The following ARHGEF2 variants were observed in gnomAD, a reference collection of about 807,000 sequenced individuals.
The protein encoded by ARHGEF2 is rho guanine nucleotide exchange factor 2.
Under a neutral mutation model 121.0 loss-of-function variants are expected in ARHGEF2, and 22 were observed. The ratio of observed to expected loss-of-function variants is 0.18; its 90% CI spans 0.13 to 0.26. ARHGEF2 has a LOEUF of 0.26. Among genes scored for constraint, ARHGEF2 ranks in the 10% least tolerant of loss-of-function variants. ARHGEF2 has a pLI of 1.00. For synonymous variants in ARHGEF2, 487 were observed against 530.0 expected (o/e 0.92, Z 1.11); for missense variants, 907 against 1,336.0 (o/e 0.68, Z 5.01).
upstream of ARHGEF2, chr1:155,978,997 C>CG: frequency 1.0e-6 from 1 of 985,632 alleles, no homozygotes; most frequent in Non-Finnish European, 1.2e-6. The surrounding 1 kb of genome is among the most constrained non-coding windows in gnomAD (Gnocchi z 4.1). Context: ...TCCTGGCCTT[C>CG]GGGGTCCCAT....
chr1:155,969,970 T>C (rs1680153930), intron 1 of ARHGEF2: 2 of 985,276 alleles, frequency 2.0e-6, no homozygotes, highest in Admixed American at 1.2e-4. Flanking sequence ...CCTACTAACC[T>C]TGAGGCAAAG....
intron 1 of ARHGEF2, among the ~76,000 whole-genome samples, chr1:155,973,759 G>A (rs1680858908): frequency 6.6e-6 from 1 of 150,618 alleles, no homozygotes; most frequent in African/African-American, 2.4e-5. Flanking sequence ...AAAAAAAAAA[G>A]AAAAGAAAAA....
At chr1:155,952,490 C>T in intron 15 of ARHGEF2, 138 bp downstream of exon 15, 1 of 1,095,976 alleles carries the variant, frequency 9.1e-7, no homozygotes. Flanking sequence ...GGAACTGGCC[C>T]AGAAGAGGCA....
At position 155,951,266 on chromosome 1, in the gene ARHGEF2, C is replaced by T. The variant is rs778676521; in HGVS notation, c.2266G>A (p.Val756Met). 42 of 1,600,996 alleles carry T rather than the reference C, an allele frequency of 2.6e-5. No individual in the cohort carries two copies. Among genetic ancestry groups the T allele is most frequent in the Non-Finnish European group, 3.5e-5 (41 of 1,171,600 alleles). The change falls in exon 20 of 22, where the codon GTG becomes ATG. Residue 756 changes from valine to methionine, a missense_variant. Physicochemically the swap from Val to Met is conservative, Grantham distance 21. Coordinates refer to ENST00000361247, the MANE Select transcript of ARHGEF2 (RefSeq NM_001162383.2). The surrounding 1 kb of genome is among the most constrained non-coding windows in gnomAD (Gnocchi z 5.1). ...YGLLHGLQAA[V>M]AQQDTLMEAR... is the part of the protein sequence containing the mutation. ...TCCATCAGAGTGTCCTGCTGGGCCA[C>T]AGCTGCCTGGGAGTAGAATGCAGGC... is the stretch of plus-strand genomic sequence containing the variant.
upstream of ARHGEF2, chr1:155,978,689 G>C (rs1410983847): frequency 2.1e-6 from 2 of 962,128 alleles, no homozygotes; most frequent in Non-Finnish European, 2.7e-6. The surrounding 1 kb of genome is among the most constrained non-coding windows in gnomAD (Gnocchi z 4.1). Context: ...GGGGCAGCTC[G>C]GAGAGGTACG....
upstream of ARHGEF2, chr1:155,979,251 T>C (rs774708719): frequency 2.7e-5 from 27 of 985,412 alleles, no homozygotes; most frequent in Non-Finnish European, 2.8e-5. Flanking sequence ...GGGGACTAGG[T>C]TGGGATTCTC....
chr1:155,978,193 T>C lies in ARHGEF2; in HGVS notation c.63+172A>G, dbSNP rs1023888525. On this transcript the variant is annotated intron_variant, in intron 1 of 21. Coordinates refer to ENST00000361247, the MANE Select transcript of ARHGEF2 (RefSeq NM_001162383.2). The surrounding 1 kb of genome is among the most constrained non-coding windows in gnomAD (Gnocchi z 4.1). ...TCGCGTCTGCCGCTCCCCCCACCCCTACCCACTCGCTCGCAGTCCCCACCC... is the reference window on the plus strand; with the variant it reads ...TCGCGTCTGCCGCTCCCCCCACCCCCACCCACTCGCTCGCAGTCCCCACCC... 1.1e-4 allele frequency: 136 copies of C among 1,225,558 alleles called. No individual in the cohort carries two copies. The highest frequency in any genetic ancestry group is 1.2e-4 in the South Asian group (7 of 56,156). The allele number at this position is 1,225,558 out of a possible 1,614,324, so 75.9% of individuals were successfully genotyped here.
intron 13 of ARHGEF2, among the ~76,000 whole-genome samples, chr1:155,955,862 C>G (rs552584131): frequency 6.6e-6 from 1 of 151,806 alleles, no homozygotes; most frequent in African/African-American, 2.4e-5. Context: ...ACTACAGGCA[C>G]GCACCACCAT....
chr1:155,964,172 A>ATG (rs1678745296), intron 7 of ARHGEF2, among the ~76,000 whole-genome samples: 1 of 67,006 alleles, frequency 1.5e-5, no homozygotes, highest in African/African-American at 9.3e-5. Context: ...AAAAAAATAT[A>ATG]TATATATATA....
intron 1 of ARHGEF2, chr1:155,970,528 CA>C: frequency 1.0e-6 from 1 of 985,450 alleles, no homozygotes; most frequent in Middle Eastern, 5.2e-4. Flanking sequence ...TCTCAGAAAT[CA>C]AAAATCAGGA....
chr1:155,967,009 G>A (rs943320932), intron 2 of ARHGEF2, 122 bp from the exon 3 acceptor site: 9 of 892,016 alleles, frequency 1.0e-5, no homozygotes, highest in Non-Finnish European at 1.5e-5. Flanking sequence ...CCCCTTCCCC[G>A]ACTTCTGGGC....
At chr1:155,972,406 C>T (rs1441227868) in intron 1 of ARHGEF2, 1 of 426,774 alleles carries the variant, frequency 2.3e-6, no homozygotes, top group South Asian at 1.6e-5. Context: ...CGCCCCAGGG[C>T]TCAGGCTTCT....
At chr1:155,964,173 T>A (rs867212569) in intron 7 of ARHGEF2, among the ~76,000 whole-genome samples, 82 of 69,150 alleles carry the variant, frequency 1.2e-3, no homozygotes, top group African/African-American at 6.3e-3. Flanking sequence ...AAAAAATATA[T>A]ATATATATAT....
At chr1:155,966,982 G>A (rs1278822511) in intron 2 of ARHGEF2, 95 bp from the exon 3 acceptor site, 1 of 1,222,828 alleles carries the variant, frequency 8.2e-7, no homozygotes, top group Non-Finnish European at 1.2e-6. Flanking sequence ...TGGCCACACA[G>A]TCCTCGGGGA....
At position 155,951,328 on chromosome 1, in the gene ARHGEF2, C is replaced by G. The variant is rs761926689; in HGVS notation, c.2260-56G>C. 21 of 1,563,602 alleles carry G rather than the reference C, an allele frequency of 1.3e-5. No individual in the cohort carries two copies. The highest frequency in any genetic ancestry group is 6.8e-5 in the African/African-American group (5 of 73,742). On this transcript the variant is annotated intron_variant, in intron 19 of 21. Coordinates refer to ENST00000361247, the MANE Select transcript of ARHGEF2 (RefSeq NM_001162383.2). The surrounding 1 kb of genome is among the most constrained non-coding windows in gnomAD (Gnocchi z 5.1). ...TCAGAACCCCTGTGCTCTTCTACCC[C>G]TCGCCTTCACCCTCCAAGGCCCAGA...
intron 2 of ARHGEF2, 111 bp downstream of exon 2, chr1:155,969,045 G>A: frequency 7.2e-7 from 1 of 1,391,748 alleles, no homozygotes; most frequent in South Asian, 1.3e-5. Context: ...GGGCCCAGCT[G>A]GGGATCAGAG....
chr1:155,971,152 GCCTCTAACTCAA>G (rs1680378148), intron 1 of ARHGEF2: 1 of 973,818 alleles, frequency 1.0e-6, no homozygotes, highest in African/African-American at 1.8e-5. Flanking sequence ...GCTGCCTCTA[GCCTCTAACTCAA>G]ACCTCTAAAA....
rs1679116717 is a variant in ARHGEF2 at position 155,965,188 on chromosome 1, T to C, written c.581-57A>G. 5 of 1,609,794 alleles carry C rather than the reference T, an allele frequency of 3.1e-6. No homozygotes were observed. Among genetic ancestry groups the C allele is most frequent in the African/African-American group, 2.7e-5 (2 of 74,820 alleles). ...TCTTGAGTTCCCTTCCCTGGGTCCC[T>C]GGCCCTTCTCTAGATCCCTTCCCTC... On this transcript the variant is annotated intron_variant, in intron 6 of 21. Coordinates refer to ENST00000361247, the MANE Select transcript of ARHGEF2 (RefSeq NM_001162383.2). This position sits in a 1 kb window ranked among gnomAD's most constrained non-coding sequence, Gnocchi z 6.0.
At chr1:155,963,738 GA>G (rs1678467367) in intron 7 of ARHGEF2, among the ~76,000 whole-genome samples, 1 of 151,834 alleles carries the variant, frequency 6.6e-6, no homozygotes, top group East Asian at 1.9e-4. Flanking sequence ...GTGGCACAAT[GA>G]TAACTCACTG....
Sources: allele counts gnomAD v4.1 joint callset (sites outside exome capture counted in the v4.1 genomes callset), GRCh38; gene constraint gnomAD v4.1.1; non-coding constraint Gnocchi (gnomAD v3.1); transcripts MANE v1.5; gene names NCBI Gene and HGNC (gene_info 2026-07-23, HGNC 2026-07-21).